MARCHF1: variants seen among roughly 807,000 people sequenced by gnomAD.
The protein encoded by MARCHF1 is membrane associated ring-CH-type finger 1, also known as E3 ubiquitin-protein ligase MARCHF1.
MARCHF1 carries 40 observed loss-of-function variants against 54.2 expected under a neutral mutation model. The observed-to-expected ratio is 0.74, with a 90% CI of 0.57 to 0.96. The LOEUF (loss-of-function observed/expected upper bound fraction) is 0.96. Among genes scored for constraint, MARCHF1 ranks in the 40% least tolerant of loss-of-function variants. The pLI is 0.00. For synonymous variants in MARCHF1, 236 were observed against 236.3 expected (o/e 1.00, Z 0.01); for missense variants, 586 against 656.5 (o/e 0.89, Z 1.17).
chr4:163,771,656 T>C (rs979749964), intron 4 of MARCHF1, among the ~76,000 whole-genome samples: 30 of 152,216 alleles, frequency 2.0e-4, no homozygotes, highest in African/African-American at 5.8e-4. Flanking sequence ...CCTTGGGAGA[T>C]AGGATTTCAG....
chr4:163,532,669 C>G (rs1487421308), intron 9 of MARCHF1, among the ~76,000 whole-genome samples: 2 of 151,860 alleles, frequency 1.3e-5, no homozygotes, highest in Non-Finnish European at 2.9e-5. Context: ...ATACAAAGAT[C>G]TGTTAACATT....
At chr4:163,840,552 T>C (rs915167337) in intron 4 of MARCHF1, among the ~76,000 whole-genome samples, 1 of 152,000 alleles carries the variant, frequency 6.6e-6, no homozygotes, top group African/African-American at 2.4e-5. Flanking sequence ...CTTTGTCCCT[T>C]GAAAACGAGA....
intron 5 of MARCHF1, among the ~76,000 whole-genome samples, chr4:163,637,420 A>T (rs113766583): frequency 0.035 from 5,315 of 152,148 alleles, 312 homozygotes; most frequent in East Asian, 0.2. Flanking sequence ...ACCCCATCAA[A>T]AAGTGGGCGA....
intron 1 of MARCHF1, among the ~76,000 whole-genome samples, chr4:164,340,405 T>TTTTATATATA (rs1327005165): frequency 0.039 from 3,769 of 95,422 alleles, 600 homozygotes; most frequent in Non-Finnish European, 0.059. Flanking sequence ...AGGCCTTGAT[T>TTTTATATATA]TATATATAGA....
chr4:163,751,113 A>C (rs536874407), intron 4 of MARCHF1, among the ~76,000 whole-genome samples: 1 of 151,468 alleles, frequency 6.6e-6, no homozygotes, highest in Non-Finnish European at 1.5e-5. Flanking sequence ...AACACGACAG[A>C]GGTGTCAGCT....
Position 163,571,495 on chromosome 4 carries a change from T to A in MARCHF1, c.1191+14254A>T, listed in dbSNP as rs573635205. On this transcript the variant is annotated intron_variant, in intron 8 of 9. Transcript: ENST00000514618. ...CTCAGTGTGGTCTTTCAGACCTAGC[T>A]GCCTGTTGTGTGGTCTTCTGTATGA... is the stretch of plus-strand genomic sequence containing the variant. Among the ~76,000 whole-genome samples, 147 of 152,270 alleles carry A rather than the reference T, an allele frequency of 9.7e-4. 2 individuals carry two copies. The South Asian group carries it at 0.029, about 30-fold the overall frequency.
intron 5 of MARCHF1, among the ~76,000 whole-genome samples, chr4:163,620,606 CAGAGAGAGAGAGAGAGAGAG>C (rs138054709): frequency 5.3e-5 from 3 of 56,870 alleles, no homozygotes; most frequent in African/African-American, 1.4e-4. Flanking sequence ...CACACACACA[CAGAGAGAGAGAGAGAGAGAG>C]AGAGAGAGAG....
chr4:163,683,935 ACG>A (rs1282890516), intron 5 of MARCHF1, among the ~76,000 whole-genome samples: 2 of 143,122 alleles, frequency 1.4e-5, no homozygotes, highest in Non-Finnish European at 3.2e-5. Context: ...ACTCACTCAC[ACG>A]TCTACCTGCT....
intron 1 of MARCHF1, among the ~76,000 whole-genome samples, chr4:164,220,854 CATAA>C (rs1732091272): frequency 1.3e-5 from 2 of 150,306 alleles, no homozygotes; most frequent in East Asian, 3.9e-4. Context: ...CATCAGTTAT[CATAA>C]ATAAAATACA....
rs1254781590 is a variant in MARCHF1, at chr4:163,717,120, A to G, written c.112-16257T>C. On this transcript the variant is annotated intron_variant, in intron 4 of 9. Transcript: ENST00000514618. ...ATTAACTCGTCATTTAGCATTAGGT[A>G]TATCTCCTAATGCTATCCCTCCCCC... Among the ~76,000 whole-genome samples the G allele has an allele frequency of 2.0e-5, 3 of 146,730 alleles. No individual in the cohort carries two copies. In the East Asian group the frequency reaches 6.4e-4, roughly 31 times the overall value.
At position 163,737,722 on chromosome 4, in the gene MARCHF1, C is replaced by G. The variant is rs1422728978; in HGVS notation, c.112-36859G>C. Among the ~76,000 whole-genome samples the G allele has an allele frequency of 8.2e-5, 10 of 121,326 alleles. 3 individuals carry two copies. Among genetic ancestry groups the G allele is most frequent in the Non-Finnish European group, 1.6e-4 (8 of 49,786 alleles). The allele number at this position is 121,326 out of a possible 152,430, so 79.6% of individuals were successfully genotyped here. On this transcript the variant is annotated intron_variant, in intron 4 of 9. Transcript: ENST00000514618. ...AACCACTATGAGATATCATCTCACACCAGTTAGAATGGCAATCATTAAAAA... is the reference window on the plus strand; with the variant it reads ...AACCACTATGAGATATCATCTCACAGCAGTTAGAATGGCAATCATTAAAAA...
intron 3 of MARCHF1, among the ~76,000 whole-genome samples, chr4:163,966,089 G>A (rs1005956616): frequency 6.6e-6 from 1 of 151,932 alleles, no homozygotes; most frequent in Non-Finnish European, 1.5e-5. Context: ...TATTGATTTT[G>A]TTTCAAAGAA....
chr4:163,647,157 G>A (rs937811710), intron 5 of MARCHF1, among the ~76,000 whole-genome samples: 1 of 152,050 alleles, frequency 6.6e-6, no homozygotes. Context: ...TGTTAAAGTA[G>A]ACAAAGAAGG....
chr4:163,930,075 C>T (rs1751638151), intron 3 of MARCHF1, among the ~76,000 whole-genome samples: 1 of 142,898 alleles, frequency 7.0e-6, no homozygotes, highest in African/African-American at 2.6e-5. Flanking sequence ...TTATGGCATA[C>T]CAGCCATGAA....
chr4:164,215,915 A>C (rs935660516), intron 1 of MARCHF1, among the ~76,000 whole-genome samples: 2 of 152,238 alleles, frequency 1.3e-5, no homozygotes, highest in Non-Finnish European at 2.9e-5. Context: ...TTATTTAAAA[A>C]GATAAAATTG....
At chr4:164,100,305 G>C (rs1175447085) in intron 2 of MARCHF1, among the ~76,000 whole-genome samples, 2 of 152,208 alleles carry the variant, frequency 1.3e-5, no homozygotes, top group Non-Finnish European at 1.5e-5. Flanking sequence ...AACTCATTAA[G>C]AGAGTCAACT....
chr4:164,025,507 T>C (rs1365713914), intron 2 of MARCHF1, among the ~76,000 whole-genome samples: 1 of 151,866 alleles, frequency 6.6e-6, no homozygotes, highest in Non-Finnish European at 1.5e-5. Context: ...AACAACAAAA[T>C]TAAGGCCAAA....
chr4:163,672,357 G>C (rs1436239229), intron 5 of MARCHF1, among the ~76,000 whole-genome samples: 2 of 152,056 alleles, frequency 1.3e-5, no homozygotes, highest in African/African-American at 4.8e-5. Context: ...GGGAGTAAAA[G>C]GGATCCCTCA....
intron 2 of MARCHF1, among the ~76,000 whole-genome samples, chr4:164,062,821 G>A (rs1232669103): frequency 6.6e-6 from 1 of 152,108 alleles, no homozygotes; most frequent in Non-Finnish European, 1.5e-5. Flanking sequence ...ACCACGCCAG[G>A]CCAATTTATT....
Sources: allele counts gnomAD v4.1 joint callset (sites outside exome capture counted in the v4.1 genomes callset), GRCh38; gene constraint gnomAD v4.1.1; transcripts MANE v1.5; gene names NCBI Gene and HGNC (gene_info 2026-07-23, HGNC 2026-07-21).